PARD3B: variants seen among roughly 807,000 people sequenced by gnomAD.
The protein encoded by PARD3B is partitioning defective 3 homolog B.
In PARD3B, 103 loss-of-function variants were observed where a neutral mutation model predicts 130.2. The ratio of observed to expected loss-of-function variants is 0.79; its 90% CI spans 0.67 to 0.93. The LOEUF (loss-of-function observed/expected upper bound fraction) is 0.93, where lower values mean the gene tolerates loss of function less well. PARD3B is among the 40% of genes least tolerant of loss of function. The pLI is 0.00. For synonymous variants in PARD3B, 583 were observed against 553.2 expected (o/e 1.05, Z -0.76); for missense variants, 1,609 against 1,499.2 (o/e 1.07, Z -1.21).
intron 1 of PARD3B, among the ~76,000 whole-genome samples, chr2:204,608,343 C>G (rs1331625252): frequency 1.3e-5 from 2 of 152,312 alleles, no homozygotes; most frequent in East Asian, 1.9e-4. Context: ...AAAACTTTCA[C>G]TCTGGCTTTT....
intron 22 of PARD3B, among the ~76,000 whole-genome samples, chr2:205,578,892 C>T (rs1318774266): frequency 6.6e-6 from 1 of 152,078 alleles, no homozygotes; most frequent in Non-Finnish European, 1.5e-5. Flanking sequence ...AGGTAAGGGC[C>T]GTCTCTTAAC....
At chr2:204,642,648 A>G (rs1338223566) in intron 1 of PARD3B, among the ~76,000 whole-genome samples, 1 of 152,104 alleles carries the variant, frequency 6.6e-6, no homozygotes, top group Non-Finnish European at 1.5e-5. Flanking sequence ...CTATCCCAAT[A>G]TAGCCATTTT....
chr2:205,220,957 C>A lies in PARD3B; in HGVS notation c.2141-24821C>A, dbSNP rs559140413. Among the ~76,000 whole-genome samples, 24 of 152,254 alleles carry A rather than the reference C, an allele frequency of 1.6e-4. No individual in the cohort carries two copies. In the East Asian group the frequency reaches 4.4e-3, roughly 28 times the overall value. ...TATTGGAGGGGCTGCTGCACTCAGC[C>A]CAGGCAGGGCTTGGAAGCTGTGGAA... On this transcript the variant is annotated intron_variant, in intron 15 of 22. Coordinates refer to ENST00000406610, the MANE Select transcript of PARD3B (RefSeq NM_001302769.2).
intron 2 of PARD3B, among the ~76,000 whole-genome samples, chr2:204,793,110 T>C (rs1244560015): frequency 2.6e-5 from 4 of 152,182 alleles, no homozygotes; most frequent in Admixed American, 2.0e-4. Flanking sequence ...CCAGTAATAG[T>C]ACAGACTGAC....
chr2:204,875,956 T>C (rs985900567), intron 2 of PARD3B, among the ~76,000 whole-genome samples: 1 of 152,188 alleles, frequency 6.6e-6, no homozygotes, highest in Non-Finnish European at 1.5e-5. Context: ...AAAGCCTCTT[T>C]GCAGGGTCTT....
chr2:204,964,495 G>C (rs531410873), intron 2 of PARD3B, among the ~76,000 whole-genome samples: 1 of 152,312 alleles, frequency 6.6e-6, no homozygotes, highest in South Asian at 2.1e-4. Context: ...AAGTAAGGAT[G>C]TCGAGTCTTA....
At chr2:204,651,295 TG>T (rs565037029) in intron 1 of PARD3B, among the ~76,000 whole-genome samples, 3 of 152,156 alleles carry the variant, frequency 2.0e-5, no homozygotes, top group African/African-American at 7.2e-5. Flanking sequence ...TCCAATACAA[TG>T]GGGGTACAGG....
intron 3 of PARD3B, among the ~76,000 whole-genome samples, chr2:205,000,076 G>A (rs1207943338): frequency 6.6e-6 from 1 of 151,716 alleles, no homozygotes; most frequent in African/African-American, 2.4e-5. Context: ...GCATCTGTTG[G>A]GGTATACTGA....
Position 205,456,549 on chromosome 2 carries a change from T to C in PARD3B, c.3044+15877T>C, listed in dbSNP as rs754474818. Among the ~76,000 whole-genome samples the C allele has an allele frequency of 1.3e-4, 20 of 152,074 alleles. 1 individual carries two copies. Among genetic ancestry groups the C allele is most frequent in the Non-Finnish European group, 2.8e-4 (19 of 67,966 alleles). On this transcript the variant is annotated intron_variant, in intron 20 of 22. Transcript: ENST00000406610. ...TTTTTTGTAGCTGTCTTTATCAAGT[T>C]GAAGAAGTTTCTCTTCATTCCTGGT...
Position 205,517,931 on chromosome 2 carries a change from G to T in PARD3B, c.3180+17900G>T, listed in dbSNP as rs534350522. On this transcript the variant is annotated intron_variant, in intron 21 of 22. Coordinates refer to ENST00000406610, the MANE Select transcript of PARD3B (RefSeq NM_001302769.2). ...TAGTCTTGAGTTGTATTTTTATTGC[G>T]CTGTGGTCTGAGAGTGTGTTTGTTA... Among the ~76,000 whole-genome samples, 8 of 152,178 alleles carry T rather than the reference G, an allele frequency of 5.3e-5. No individual in the cohort carries two copies. The South Asian group carries it at 1.7e-3, about 32-fold the overall frequency.
intron 3 of PARD3B, among the ~76,000 whole-genome samples, chr2:205,042,429 A>T (rs1210531852): frequency 1.3e-5 from 2 of 152,108 alleles, no homozygotes; most frequent in Non-Finnish European, 2.9e-5. Context: ...GTTTTTCCTG[A>T]ATGTGGTATA....
chr2:205,036,869 G>C (rs1697964511), intron 3 of PARD3B, among the ~76,000 whole-genome samples: 1 of 148,642 alleles, frequency 6.7e-6, no homozygotes, highest in Non-Finnish European at 1.5e-5. Flanking sequence ...TATATGTAAA[G>C]AACATATGTA....
At chr2:205,171,554 T>G (rs970239750) in intron 11 of PARD3B, among the ~76,000 whole-genome samples, 4 of 152,238 alleles carry the variant, frequency 2.6e-5, no homozygotes, top group African/African-American at 9.6e-5. Flanking sequence ...TACTCATTCA[T>G]CAGAGCCTCT....
intron 18 of PARD3B, among the ~76,000 whole-genome samples, chr2:205,388,029 G>T (rs1418577203): frequency 2.0e-5 from 3 of 152,124 alleles, no homozygotes; most frequent in Non-Finnish European, 4.4e-5. Context: ...AAGAGCCCCA[G>T]AGATGAGGAA....
chr2:205,449,014 A>G (rs936314081), intron 20 of PARD3B, among the ~76,000 whole-genome samples: 1 of 151,748 alleles, frequency 6.6e-6, no homozygotes, highest in South Asian at 2.1e-4. Context: ...TAAAAATACA[A>G]AATTAGCTGG....
chr2:204,959,591 A>T (rs568344967), intron 2 of PARD3B, among the ~76,000 whole-genome samples: 1 of 152,332 alleles, frequency 6.6e-6, no homozygotes, highest in South Asian at 2.1e-4. Context: ...TTACACTCCC[A>T]CCAACAGTGT....
intron 20 of PARD3B, among the ~76,000 whole-genome samples, chr2:205,482,895 C>CT (rs963985966): frequency 1.2e-4 from 18 of 151,414 alleles, no homozygotes; most frequent in Non-Finnish European, 1.9e-4. Context: ...TGTTTTATTT[C>CT]TTTTTTTTTA....
Position 204,678,175 on chromosome 2 carries a change from G to C in PARD3B, c.121-8006G>C, listed in dbSNP as rs1014155400. Among the ~76,000 whole-genome samples, 3 of 152,124 alleles carry C rather than the reference G, an allele frequency of 2.0e-5. No homozygotes were observed. Among genetic ancestry groups the C allele is most frequent in the African/African-American group, 7.2e-5 (3 of 41,416 alleles). ...CCGAGCTCAAACCGCTTGTGGGAGG[G>C]GGAGCACGCAGGTGAGCAGGTGCAG... On this transcript the variant is annotated intron_variant, in intron 1 of 22. Coordinates refer to ENST00000406610, the MANE Select transcript of PARD3B (RefSeq NM_001302769.2). The surrounding 1 kb of genome is among the most constrained non-coding windows in gnomAD (Gnocchi z 4.2).
chr2:205,569,558 A>G (rs2106543186), intron 22 of PARD3B, among the ~76,000 whole-genome samples: 1 of 152,316 alleles, frequency 6.6e-6, no homozygotes, highest in South Asian at 2.1e-4. Flanking sequence ...ACTGACTGTG[A>G]TATTGTTATA....
Sources: gnomAD v4.1 joint callset for allele counts (sites outside exome capture counted in the v4.1 genomes callset) on GRCh38, gnomAD v4.1.1 for gene constraint, Gnocchi (gnomAD v3.1) non-coding constraint, MANE v1.5 for transcripts, NCBI Gene and HGNC (gene_info 2026-07-23, HGNC 2026-07-21) for gene names.